TERB1: variants seen among roughly 807,000 people sequenced by gnomAD.
TERB1 encodes telomere repeat binding bouquet formation protein 1, also known as telomere repeats-binding bouquet formation protein 1.
Under a neutral mutation model 92.3 loss-of-function variants are expected in TERB1, and 63 were observed. That is an observed-to-expected ratio of 0.68 (90% CI 0.56 to 0.84). TERB1 has a LOEUF of 0.84. Ranked by LOEUF, TERB1 falls within the 40% of genes least tolerant of loss-of-function variation. TERB1 has a pLI of 0.00. For synonymous variants in TERB1, 252 were observed against 283.9 expected (o/e 0.89, Z 1.13); for missense variants, 709 against 843.7 (o/e 0.84, Z 1.98).
intron 9 of TERB1, among the ~76,000 whole-genome samples, chr16:66,782,586 C>G (rs543370339): frequency 6.6e-6 from 1 of 151,714 alleles, no homozygotes; most frequent in African/African-American, 2.4e-5. Context: ...AAGTCTATAC[C>G]TACACCAAAG....
At chr16:66,759,418 A>G in intron 16 of TERB1, 128 bp from the exon 17 acceptor site, 1 of 686,974 alleles carries the variant, frequency 1.5e-6, no homozygotes, top group East Asian at 2.8e-5. Context: ...CAAGAAGCTC[A>G]AAATCATATG....
chr16:66,785,018 T>C lies in TERB1; in HGVS notation c.700+768A>G, dbSNP rs201586873. On this transcript the variant is annotated intron_variant, in intron 9 of 18. Transcript: ENST00000433154. Reference sequence around the variant, plus strand: ...GATTACAGGTGTGACCCACTGCGTCTGGCTTTTTTTTTTTTTTTTTTGAGA... The same window carrying C: ...GATTACAGGTGTGACCCACTGCGTCCGGCTTTTTTTTTTTTTTTTTTGAGA... Among the ~76,000 whole-genome samples, 70 of 147,976 alleles carry C rather than the reference T, an allele frequency of 4.7e-4. 1 individual carries two copies. The East Asian group carries it at 0.011, about 23-fold the overall frequency.
intron 6 of TERB1, among the ~76,000 whole-genome samples, chr16:66,787,954 CAGT>C (rs1433573578): frequency 2.0e-5 from 3 of 152,132 alleles, no homozygotes; most frequent in African/African-American, 7.2e-5. Flanking sequence ...CCCAGCTACT[CAGT>C]AGGCTGAGGC....
At chr16:66,758,430 T>G in intron 18 of TERB1, 1 of 198,628 alleles carries the variant, frequency 5.0e-6, no homozygotes, top group South Asian at 8.7e-5. Flanking sequence ...TATATGAAAT[T>G]TAAGTTCATT....
intron 10 of TERB1, among the ~76,000 whole-genome samples, chr16:66,777,606 AT>A (rs897154831): frequency 2.0e-5 from 3 of 152,130 alleles, no homozygotes; most frequent in Non-Finnish European, 2.9e-5. Context: ...TTTTTGAAGA[AT>A]TTTTTTCTTA....
intron 2 of TERB1, among the ~76,000 whole-genome samples, chr16:66,797,623 CCACACACACACACA>C (rs71145942): frequency 1.4e-5 from 2 of 140,844 alleles, no homozygotes; most frequent in Non-Finnish European, 3.1e-5. Context: ...TAAAAACACA[CCACACACACACACA>C]CACACACACA....
chr16:66,795,603 T>C (rs1225525838), intron 3 of TERB1, among the ~76,000 whole-genome samples: 1 of 152,140 alleles, frequency 6.6e-6, no homozygotes, highest in Non-Finnish European at 1.5e-5. Flanking sequence ...GTTTCGTAAA[T>C]GGTTTGAGAG....
At chr16:66,773,243 A>G (rs2018485071) in intron 12 of TERB1, among the ~76,000 whole-genome samples, 1 of 152,184 alleles carries the variant, frequency 6.6e-6, no homozygotes, top group African/African-American at 2.4e-5. Flanking sequence ...TTAAGGCACA[A>G]GAATCCCTCA....
At chr16:66,789,854 TG>T (rs1273772531) in intron 5 of TERB1, among the ~76,000 whole-genome samples, 19 of 151,648 alleles carry the variant, frequency 1.3e-4, no homozygotes, top group African/African-American at 4.1e-4. Flanking sequence ...GGACCACAGG[TG>T]CACACTACCA....
At chr16:66,759,014 G>GTTGCT in intron 17 of TERB1, 127 bp downstream of exon 17, 1 of 1,001,202 alleles carries the variant, frequency 1.0e-6, no homozygotes, top group South Asian at 1.7e-5. Context: ...TCAATTACTT[G>GTTGCT]TTGCTTAGAG....
rs1283029930 is a variant in TERB1 at position 66,772,790 on chromosome 16, A to G, written c.1112-41T>C. On this transcript the variant is annotated intron_variant, in intron 12 of 18. Transcript: ENST00000433154. Reference sequence around the variant, plus strand: ...AAAAACAATGAATGAAAAGTTATTTAAACACTTTATATATAAGGACAACTT... The same window carrying G: ...AAAAACAATGAATGAAAAGTTATTTGAACACTTTATATATAAGGACAACTT... The G allele has an allele frequency of 3.4e-6, 5 of 1,455,508 alleles. No homozygotes were observed. In the South Asian group the frequency reaches 6.5e-5, roughly 19 times the overall value. The allele number at this position is 1,455,508 out of a possible 1,614,324, so 90.2% of individuals were successfully genotyped here. A position where few individuals can be genotyped will look rare whatever the true frequency, so the allele number is the denominator to read the frequency against.
chr16:66,765,279 T>G (rs1050985864), intron 16 of TERB1, among the ~76,000 whole-genome samples: 1 of 152,206 alleles, frequency 6.6e-6, no homozygotes, highest in African/African-American at 2.4e-5. Flanking sequence ...ATTCCCAAAC[T>G]TTCTAGGTTC....
chr16:66,782,882 C>T (rs1262704584), intron 9 of TERB1, among the ~76,000 whole-genome samples: 2 of 152,032 alleles, frequency 1.3e-5, no homozygotes, highest in Non-Finnish European at 2.9e-5. Flanking sequence ...GTGGCTGGGG[C>T]GGTGTTACAG....
At chr16:66,800,798 G>A (rs918212545) in intron 2 of TERB1, among the ~76,000 whole-genome samples, 179 bp downstream of exon 2, 2 of 152,116 alleles carry the variant, frequency 1.3e-5, no homozygotes, top group African/African-American at 4.8e-5. Flanking sequence ...CCCAGAAAAC[G>A]CACTGTGGGT....
intron 9 of TERB1, among the ~76,000 whole-genome samples, chr16:66,782,694 T>A (rs886385070): frequency 6.6e-6 from 1 of 152,192 alleles, no homozygotes; most frequent in South Asian, 2.1e-4. Context: ...TCCTAGCCCC[T>A]TTGCATTCCA....
chr16:66,767,441 G>C lies in TERB1; in HGVS notation c.1754C>G (p.Ser585Cys), dbSNP rs1023204005. The change falls in exon 16 of 19, where the codon TCC becomes TGC. Residue 585 changes from serine to cysteine, a missense_variant. By Grantham distance (112) the Ser-to-Cys change is moderately radical. Coordinates refer to ENST00000433154, the MANE Select transcript of TERB1 (RefSeq NM_001136505.2). ...TGAGCACCTATACGTCAACATTTCG[G>C]AACAACTGGGAGTTGCTAGAAAACT... The part of the protein sequence containing the change: ...VVSFLATPSC[S>C]EMLTYRCSGC... The C allele has an allele frequency of 6.6e-7, 1 of 1,526,422 alleles. No individual in the cohort carries two copies. Among genetic ancestry groups the C allele is most frequent in the South Asian group, 1.3e-5 (1 of 79,196 alleles). 94.6% of individuals were successfully genotyped at this position (1,526,422 alleles called of 1,614,324 possible). A position where few individuals can be genotyped will look rare whatever the true frequency, so the allele number is the denominator to read the frequency against.
Position 66,778,845 on chromosome 16 carries a change from G to T in TERB1, c.853+18C>A. 6.8e-7 allele frequency: 1 copy of T among 1,465,242 alleles called. No individual in the cohort carries two copies. The highest frequency in any genetic ancestry group is 1.4e-5 in the South Asian group (1 of 72,040). 90.8% of individuals were successfully genotyped at this position (1,465,242 alleles called of 1,614,324 possible). On this transcript the variant is annotated intron_variant, in intron 10 of 18. Transcript: ENST00000433154. ...ACAAAATTCAATTTCAAAAAAACTA[G>T]TAAGCACTGTCACTCACGATTATCA... is the stretch of plus-strand genomic sequence containing the variant.
intron 9 of TERB1, among the ~76,000 whole-genome samples, chr16:66,781,854 T>G (rs1036138656): frequency 6.6e-6 from 1 of 152,100 alleles, no homozygotes; most frequent in Admixed American, 6.5e-5. Context: ...TCTTAAATAT[T>G]TTCTCTCAGT....
At chr16:66,777,984 AG>A (rs1367694278) in intron 10 of TERB1, among the ~76,000 whole-genome samples, 2 of 152,224 alleles carry the variant, frequency 1.3e-5, no homozygotes, top group Non-Finnish European at 2.9e-5. Context: ...GTACTTGTAA[AG>A]CTCCACACAT....
Sources: gnomAD v4.1 joint callset for allele counts (sites outside exome capture counted in the v4.1 genomes callset) on GRCh38, gnomAD v4.1.1 for gene constraint, MANE v1.5 for transcripts, NCBI Gene and HGNC (gene_info 2026-07-23, HGNC 2026-07-21) for gene names.